FLT1: variants seen among roughly 807,000 people sequenced by gnomAD.
The protein encoded by FLT1 is vascular endothelial growth factor receptor 1.
Under a neutral mutation model 156.3 loss-of-function variants are expected in FLT1, and 49 were observed. The observed-to-expected ratio is 0.31, with a 90% CI of 0.25 to 0.40. The LOEUF is 0.40. Among genes scored for constraint, FLT1 ranks in the 10% least tolerant of loss-of-function variants. The pLI is 1.00. For synonymous variants in FLT1, 594 were observed against 583.8 expected (o/e 1.02, Z -0.25); for missense variants, 1,322 against 1,637.2 (o/e 0.81, Z 3.32).
chr13:28,462,912 C>T (rs1879666396), intron 3 of FLT1, among the ~76,000 whole-genome samples: 3 of 152,190 alleles, frequency 2.0e-5, no homozygotes, highest in Admixed American at 6.5e-5. Flanking sequence ...CCGACCTCCT[C>T]CTGCCACTGA....
intron 10 of FLT1, among the ~76,000 whole-genome samples, chr13:28,425,034 G>A (rs1877259887): frequency 6.6e-6 from 1 of 151,964 alleles, no homozygotes; most frequent in Non-Finnish European, 1.5e-5. Flanking sequence ...TTTATTTTCT[G>A]GTGTACAAAG....
At position 28,439,113 on chromosome 13, in the gene FLT1, AG is replaced by A. The variant is rs1436991754; in HGVS notation, c.389-769del. The stretch of plus-strand genomic sequence containing the variant: ...CATTTGGCCAGTCTCAGAGGCAAGG[AG>A]GATTCAAACACCTGTTCAGCTTCCC... On this transcript the variant is annotated intron_variant, in intron 3 of 29. Transcript: ENST00000282397. This position sits in a 1 kb window ranked among gnomAD's most constrained non-coding sequence, Gnocchi z 4.1. 2.6e-5 allele frequency among the ~76,000 whole-genome samples: 4 copies of A among 152,226 alleles called. No homozygotes were observed. Among genetic ancestry groups the A allele is most frequent in the African/African-American group, 9.6e-5 (4 of 41,460 alleles).
chr13:28,317,430 CCCCTCTCAGGAATG>C lies in FLT1; in HGVS notation c.3386+54_3386+67del. 4 of 968,740 alleles carry C rather than the reference CCCCTCTCAGGAATG, an allele frequency of 4.1e-6. 1 individual carries two copies. Among genetic ancestry groups the C allele is most frequent in the Non-Finnish European group, 6.8e-6 (4 of 592,350 alleles). The allele number at this position is 968,740 out of a possible 1,614,324, so 60.0% of individuals were successfully genotyped here. A position where few individuals can be genotyped will look rare whatever the true frequency, so the allele number is the denominator to read the frequency against. On this transcript the variant is annotated intron_variant, in intron 25 of 29. Coordinates refer to ENST00000282397, the MANE Select transcript of FLT1 (RefSeq NM_002019.4). ...GGGACTCTAAGAATCCATAAAACAT[CCCCTCTCAGGAATG>C]CCCTGGTGAAAAGCGAGCTGTCAGA...
intron 10 of FLT1, among the ~76,000 whole-genome samples, chr13:28,416,925 T>C (rs1876683347): frequency 6.6e-6 from 1 of 152,214 alleles, no homozygotes; most frequent in South Asian, 2.1e-4. Context: ...TGGAATAACA[T>C]GCACCCATGT....
chr13:28,351,704 C>T (rs969835850), intron 15 of FLT1, among the ~76,000 whole-genome samples: 1 of 152,164 alleles, frequency 6.6e-6, no homozygotes, highest in Non-Finnish European at 1.5e-5. Context: ...ATTTAAATTG[C>T]TGTTACGTGA....
chr13:28,325,088 T>G (rs1008381691), intron 20 of FLT1, among the ~76,000 whole-genome samples: 6 of 152,158 alleles, frequency 3.9e-5, no homozygotes, highest in Admixed American at 6.6e-5. Flanking sequence ...CAGCCATGGA[T>G]TTTCCACAAA....
At chr13:28,371,608 A>G (rs1341470792) in intron 14 of FLT1, among the ~76,000 whole-genome samples, 1 of 152,198 alleles carries the variant, frequency 6.6e-6, no homozygotes, top group Non-Finnish European at 1.5e-5. Context: ...TGAAGCTGTG[A>G]AGTACTTCCT....
intron 19 of FLT1, 114 bp from the exon 20 acceptor site, chr13:28,327,664 C>A: frequency 1.4e-6 from 1 of 699,674 alleles, no homozygotes; most frequent in Admixed American, 2.0e-5. Flanking sequence ...ATTAGTGGGG[C>A]GAAGGGATGC....
At chr13:28,457,958 G>A (rs1227485365) in intron 3 of FLT1, among the ~76,000 whole-genome samples, 1 of 68,716 alleles carries the variant, frequency 1.5e-5, no homozygotes, top group Non-Finnish European at 2.4e-5. Flanking sequence ...TTTTTGTGAT[G>A]GAGTCTTGCT....
At chr13:28,396,598 G>A (rs900583377) in intron 12 of FLT1, among the ~76,000 whole-genome samples, 2 of 152,020 alleles carry the variant, frequency 1.3e-5, no homozygotes, top group African/African-American at 2.4e-5. Context: ...CAAAAACGAT[G>A]TCATCATATT....
rs998698893 is a variant in FLT1 at position 28,345,688 on chromosome 13, C to T, written c.2249-137G>A. ...CCCAATCTGCTGCCACAAAATCAGT[C>T]TCTGGGACAGATCTCTTACCTTCTA... On this transcript the variant is annotated intron_variant, in intron 15 of 29. Transcript: ENST00000282397. 32 of 690,922 alleles carry T rather than the reference C, an allele frequency of 4.6e-5. No individual in the cohort carries two copies. In the Admixed American group the frequency reaches 4.7e-4, roughly 10 times the overall value. The allele number at this position is 690,922 out of a possible 1,614,324, so 42.8% of individuals were successfully genotyped here. A position where few individuals can be genotyped will look rare whatever the true frequency, so the allele number is the denominator to read the frequency against.
At chr13:28,491,102 C>T in intron 1 of FLT1, among the ~76,000 whole-genome samples, 1 of 151,520 alleles carries the variant, frequency 6.6e-6, no homozygotes, top group East Asian at 1.9e-4. Context: ...GTGTAGATCT[C>T]AATAGGCTGC....
At chr13:28,465,984 GTTTTC>G (rs758668059) in intron 3 of FLT1, among the ~76,000 whole-genome samples, 3 of 152,098 alleles carry the variant, frequency 2.0e-5, no homozygotes, top group Non-Finnish European at 2.9e-5. Flanking sequence ...ATGGTTGGTT[GTTTTC>G]TTTTGTTTTT....
chr13:28,483,277 T>C (rs1880963506), intron 1 of FLT1, among the ~76,000 whole-genome samples: 1 of 152,238 alleles, frequency 6.6e-6, no homozygotes, highest in Non-Finnish European at 1.5e-5. Context: ...TAATCCTCTC[T>C]AGCATATCCC....
At chr13:28,379,540 G>C (rs1467107964) in intron 14 of FLT1, among the ~76,000 whole-genome samples, 1 of 152,132 alleles carries the variant, frequency 6.6e-6, no homozygotes, top group African/African-American at 2.4e-5. Flanking sequence ...AGCAATCGAA[G>C]CCCTGAGAAG....
At chr13:28,438,399 A>C (rs959042612) in intron 3 of FLT1, 54 bp from the exon 4 acceptor site, 1 of 1,402,632 alleles carries the variant, frequency 7.1e-7, no homozygotes, top group Non-Finnish European at 1.0e-6. Context: ...ACATGCAAGC[A>C]TCTAGACACT....
chr13:28,380,018 C>A (rs182883682), intron 14 of FLT1, among the ~76,000 whole-genome samples: 3 of 152,250 alleles, frequency 2.0e-5, no homozygotes, highest in African/African-American at 7.2e-5. Flanking sequence ...TATCAATGAT[C>A]CAAGGTCACT....
chr13:28,490,060 G>A (rs755025077), intron 1 of FLT1, among the ~76,000 whole-genome samples: 3 of 152,226 alleles, frequency 2.0e-5, no homozygotes, highest in Non-Finnish European at 2.9e-5. Flanking sequence ...AAGAAGAGAT[G>A]TTGTCTGTAG....
At chr13:28,442,446 A>C (rs187744123) in intron 3 of FLT1, among the ~76,000 whole-genome samples, 163 of 152,346 alleles carry the variant, frequency 1.1e-3, no homozygotes, top group Non-Finnish European at 1.5e-3. Context: ...AGAAAAGGTT[A>C]ATTCAACATA....
Sources: allele counts gnomAD v4.1 joint callset (sites outside exome capture counted in the v4.1 genomes callset), GRCh38; gene constraint gnomAD v4.1.1; non-coding constraint Gnocchi (gnomAD v3.1); transcripts MANE v1.5; gene names NCBI Gene and HGNC (gene_info 2026-07-23, HGNC 2026-07-21).